The following TFEC variants were observed in gnomAD, a reference collection of about 807,000 sequenced individuals.
TFEC encodes the protein class E basic helix-loop-helix protein 34.
Under a neutral mutation model 41.6 loss-of-function variants are expected in TFEC, and 31 were observed. The observed-to-expected ratio is 0.74, with a 90% CI of 0.56 to 1.01. The LOEUF (loss-of-function observed/expected upper bound fraction) is 1.01. Among genes scored for constraint, TFEC ranks in the 50% least tolerant of loss-of-function variants. The probability of loss-of-function intolerance (pLI) is 0.00; values close to 1 mark genes in which losing one functional copy is unlikely to be tolerated. For missense variants in TFEC, 402 were observed against 404.1 expected, an observed-to-expected ratio of 0.99 and a Z score of 0.04; for synonymous variants, 143 against 140.6, an observed-to-expected ratio of 1.02 and a Z score of -0.12.
intron 4 of TFEC, among the ~76,000 whole-genome samples, chr7:115,956,465 C>T (rs918426455): frequency 2.0e-5 from 3 of 151,496 alleles, no homozygotes; most frequent in African/African-American, 7.3e-5. Context: ...TGCATTTGCT[C>T]AATTTCCAAA....
At chr7:116,115,095 G>GT (rs1255232257) in intron 1 of TFEC, among the ~76,000 whole-genome samples, 1 of 151,992 alleles carries the variant, frequency 6.6e-6, no homozygotes, top group Admixed American at 6.6e-5. Flanking sequence ...GGTATCACAT[G>GT]TAACGTGGAA....
chr7:115,965,513 C>T (rs180771891), intron 3 of TFEC, among the ~76,000 whole-genome samples: 1 of 151,498 alleles, frequency 6.6e-6, no homozygotes. Flanking sequence ...AAAATAGCAC[C>T]CTTTTTTTTC....
chr7:115,948,109 A>G (rs1791706514), intron 6 of TFEC, among the ~76,000 whole-genome samples: 1 of 152,146 alleles, frequency 6.6e-6, no homozygotes, highest in Non-Finnish European at 1.5e-5. Flanking sequence ...AGAAATGGAT[A>G]AATTCCTCGA....
chr7:116,109,977 C>CA (rs1237446480), intron 3 of TFEC, among the ~76,000 whole-genome samples: 5 of 151,976 alleles, frequency 3.3e-5, no homozygotes, highest in Non-Finnish European at 7.4e-5. Flanking sequence ...ATTGCAAGGA[C>CA]AAAAAACCAA....
chr7:116,110,478 A>AC (rs1374690093), intron 3 of TFEC, among the ~76,000 whole-genome samples: 1 of 152,134 alleles, frequency 6.6e-6, no homozygotes, highest in Non-Finnish European at 1.5e-5. Context: ...AAAAGTATGT[A>AC]CTTTGGGTTC....
intron 1 of TFEC, chr7:116,117,582 G>A (rs552264046): frequency 3.3e-5 from 5 of 151,828 alleles, no homozygotes; most frequent in African/African-American, 1.2e-4. Context: ...AATTAAAACA[G>A]GGACGTGGAG....
chr7:115,987,887 A>G (rs920661775), intron 1 of TFEC, among the ~76,000 whole-genome samples: 39 of 152,272 alleles, frequency 2.6e-4, no homozygotes, highest in African/African-American at 8.9e-4. Context: ...TCAGGATATC[A>G]AAGTATTTGC....
At chr7:115,966,814 T>C (rs1234327244) in intron 3 of TFEC, among the ~76,000 whole-genome samples, 1 of 151,770 alleles carries the variant, frequency 6.6e-6, no homozygotes, top group African/African-American at 2.4e-5. Context: ...TCCCCATTCC[T>C]TCAATAAGCA....
chr7:115,942,964 T>C (rs534447875), intron 6 of TFEC, among the ~76,000 whole-genome samples: 8 of 152,188 alleles, frequency 5.3e-5, no homozygotes, highest in Admixed American at 2.0e-4. Context: ...GAGATGTTTT[T>C]AATATAGCAT....
At chr7:116,059,627 TG>T (rs1413081112) in intron 3 of TFEC, among the ~76,000 whole-genome samples, 1 of 151,780 alleles carries the variant, frequency 6.6e-6, no homozygotes, top group Non-Finnish European at 1.5e-5. Context: ...CATTATCAAG[TG>T]AAAAAAATCA....
chr7:116,141,236 G>A (rs781027247), intron 1 of TFEC, among the ~76,000 whole-genome samples: 13 of 152,070 alleles, frequency 8.5e-5, no homozygotes, highest in Middle Eastern at 3.2e-3. Flanking sequence ...TTTAAATTGC[G>A]TGAGCAATTT....
chr7:116,046,083 C>T (rs1275250730), intron 3 of TFEC, among the ~76,000 whole-genome samples: 2 of 152,158 alleles, frequency 1.3e-5, no homozygotes, highest in African/African-American at 4.8e-5. Context: ...TTTGATTTTA[C>T]AGGCTTATAG....
intron 3 of TFEC, among the ~76,000 whole-genome samples, chr7:115,963,321 A>G (rs571845251): frequency 6.6e-6 from 1 of 151,936 alleles, no homozygotes; most frequent in East Asian, 1.9e-4. Flanking sequence ...CAAAAGAAAA[A>G]TTGAGGAGTG....
chr7:116,079,844 C>G (rs1797047087), intron 3 of TFEC, among the ~76,000 whole-genome samples: 1 of 151,770 alleles, frequency 6.6e-6, no homozygotes, highest in Admixed American at 6.6e-5. Flanking sequence ...AAAATTCATA[C>G]AGAACCTAAA....
At chr7:115,972,160 T>G (rs1793162710) in intron 3 of TFEC, among the ~76,000 whole-genome samples, 1 of 152,082 alleles carries the variant, frequency 6.6e-6, no homozygotes, top group South Asian at 2.1e-4. Flanking sequence ...TTCATGTCTA[T>G]CTCTTAAAAT....
chr7:116,017,981 G>T (rs62475164), intron 1 of TFEC, among the ~76,000 whole-genome samples: 3 of 151,598 alleles, frequency 2.0e-5, no homozygotes, highest in Non-Finnish European at 2.9e-5. Context: ...ATCCAGTGTT[G>T]GGCAAATATT....
At chr7:116,100,719 C>T (rs1797584829) in intron 3 of TFEC, among the ~76,000 whole-genome samples, 1 of 152,012 alleles carries the variant, frequency 6.6e-6, no homozygotes, top group Admixed American at 6.6e-5. Flanking sequence ...ACACGGCTGC[C>T]ACAAGGGAGG....
intron 3 of TFEC, among the ~76,000 whole-genome samples, chr7:116,057,803 G>A (rs999527158): frequency 1.1e-4 from 16 of 151,814 alleles, no homozygotes; most frequent in African/African-American, 3.6e-4. Context: ...TATATGTAAA[G>A]AGGTATAATA....
At chr7:116,037,620 T>G (rs568870333) in intron 3 of TFEC, among the ~76,000 whole-genome samples, 1 of 152,092 alleles carries the variant, frequency 6.6e-6, no homozygotes, top group East Asian at 1.9e-4. Flanking sequence ...AATACCAGAT[T>G]TTGCCTGTAT....
Sources: allele counts gnomAD v4.1 joint callset (sites outside exome capture counted in the v4.1 genomes callset), GRCh38; gene constraint gnomAD v4.1.1; transcripts MANE v1.5; gene names NCBI Gene and HGNC (gene_info 2026-07-23, HGNC 2026-07-21).